The following ELMOD2 variants were observed in gnomAD, a reference collection of about 807,000 sequenced individuals.
The protein encoded by ELMOD2 is ELMO domain containing 2.
A neutral mutation model predicts 41.0 loss-of-function variants in ELMOD2; 28 were observed. The observed-to-expected ratio is 0.68, with a 90% CI of 0.51 to 0.94. ELMOD2 has a LOEUF of 0.94. Ranked by LOEUF, ELMOD2 falls within the 40% of genes least tolerant of loss-of-function variation. The pLI, the probability that ELMOD2 is intolerant of heterozygous loss-of-function variation, is 0.00. For missense variants in ELMOD2, 333 were observed against 343.1 expected (o/e 0.97, Z 0.23); for synonymous variants, 106 against 107.2 (o/e 0.99, Z 0.07).
chr4:140,545,791 A>G (rs576528407), intron 8 of ELMOD2, among the ~76,000 whole-genome samples: 1 of 152,254 alleles, frequency 6.6e-6, no homozygotes, highest in African/African-American at 2.4e-5. Context: ...ATGAGATATC[A>G]TGTCACACCA....
chr4:140,549,218 A>G (rs1735388671), intron 8 of ELMOD2, among the ~76,000 whole-genome samples: 1 of 152,050 alleles, frequency 6.6e-6, no homozygotes, highest in African/African-American at 2.4e-5. Context: ...TTTATTTGTT[A>G]TTTTTTAAAA....
chr4:140,535,147 C>G (rs1321112192), intron 3 of ELMOD2, among the ~76,000 whole-genome samples: 1 of 123,786 alleles, frequency 8.1e-6, no homozygotes, highest in Non-Finnish European at 1.8e-5. Context: ...TTCTCTCTCT[C>G]TCTCTCTCTC....
rs908227476 is a variant in ELMOD2, at chr4:140,553,633, A to G, written c.*3258A>G. 1.3e-5 allele frequency: 2 copies of G among 152,186 alleles called. No homozygotes were observed. The highest frequency in any genetic ancestry group is 2.4e-5 in the African/African-American group (1 of 41,452). The allele number at this position is 152,186 out of a possible 1,614,324, so 9.4% of individuals were successfully genotyped here. On this transcript the variant is annotated 3_prime_UTR_variant, in exon 9 of 9. Coordinates refer to ENST00000323570, the MANE Select transcript of ELMOD2 (RefSeq NM_153702.4). ...AGTAGCTTTCTCTGGGGGAAAAAGT[A>G]CCACTTGGACACTTAAAGGAATTGG... is the stretch of plus-strand genomic sequence containing the variant.
intron 6 of ELMOD2, among the ~76,000 whole-genome samples, chr4:140,540,943 G>A (rs1156593545): frequency 6.6e-6 from 1 of 151,974 alleles, no homozygotes; most frequent in African/African-American, 2.4e-5. Flanking sequence ...AACCAGATAA[G>A]GTGATAATAA....
chr4:140,548,792 C>T (rs140275886), intron 8 of ELMOD2, among the ~76,000 whole-genome samples: 19 of 152,226 alleles, frequency 1.2e-4, no homozygotes, highest in Admixed American at 9.2e-4. Context: ...AAAAATAATT[C>T]AATAAATACA....
chr4:140,548,077 C>A (rs1433947388), intron 8 of ELMOD2, among the ~76,000 whole-genome samples: 2 of 152,108 alleles, frequency 1.3e-5, no homozygotes, highest in African/African-American at 4.8e-5. Flanking sequence ...GATCAATAGC[C>A]TCACTCTGAA....
chr4:140,525,604 A>G (rs776891848), intron 2 of ELMOD2, 34 bp downstream of exon 2: 28 of 1,580,948 alleles, frequency 1.8e-5, no homozygotes, highest in Non-Finnish European at 2.4e-5. Context: ...GTACTAATAA[A>G]AGTTTAACGG....
At chr4:140,531,457 G>A (rs1734744682) in intron 3 of ELMOD2, among the ~76,000 whole-genome samples, 2 of 152,206 alleles carry the variant, frequency 1.3e-5, no homozygotes, top group African/African-American at 2.4e-5. Context: ...TGACAATGGA[G>A]CAAAGCTCCA....
chr4:140,537,951 CAT>C (rs757153665), intron 5 of ELMOD2, among the ~76,000 whole-genome samples: 51 of 152,092 alleles, frequency 3.4e-4, no homozygotes, highest in Middle Eastern at 3.4e-3. Flanking sequence ...AAGTTGAAAA[CAT>C]GTGTGTCCCT....
At position 140,553,154 on chromosome 4, in the gene ELMOD2, A is replaced by C. The variant is rs1214993676; in HGVS notation, c.*2779A>C. The C allele has an allele frequency of 6.6e-6, 1 of 152,152 alleles. No individual in the cohort carries two copies. Among genetic ancestry groups the C allele is most frequent in the East Asian group, 1.9e-4 (1 of 5,202 alleles). The allele number at this position is 152,152 out of a possible 1,614,324, so 9.4% of individuals were successfully genotyped here. A position where few individuals can be genotyped will look rare whatever the true frequency, so the allele number is the denominator to read the frequency against. On this transcript the variant is annotated 3_prime_UTR_variant, in exon 9 of 9. Transcript: ENST00000323570. ...CTCTTTCTCCCCTTTGAGAACATTC[A>C]GTGAAATACAACTTCATCAAAGATT... is the stretch of plus-strand genomic sequence containing the variant.
intron 2 of ELMOD2, 122 bp downstream of exon 2, chr4:140,525,692 G>A (rs1734541685): frequency 9.1e-7 from 1 of 1,094,138 alleles, no homozygotes; most frequent in Non-Finnish European, 1.2e-6. Flanking sequence ...AATTTCATAA[G>A]CTCTGAAGTC....
At chr4:140,536,386 T>C (rs1268381870) in intron 4 of ELMOD2, among the ~76,000 whole-genome samples, 1 of 152,166 alleles carries the variant, frequency 6.6e-6, no homozygotes, top group Non-Finnish European at 1.5e-5. Flanking sequence ...TATGTGAATA[T>C]AGAGGAAGGA....
chr4:140,535,119 C>G (rs992185288), intron 3 of ELMOD2, among the ~76,000 whole-genome samples: 1 of 143,444 alleles, frequency 7.0e-6, no homozygotes, highest in Non-Finnish European at 1.5e-5. Flanking sequence ...TTACTTTTCT[C>G]TGGGGAAATC....
intron 3 of ELMOD2, 118 bp from the exon 4 acceptor site, chr4:140,535,615 A>G (rs1264377742): frequency 1.7e-5 from 14 of 830,152 alleles, no homozygotes; most frequent in Non-Finnish European, 2.7e-5. Context: ...GGTTGAAACA[A>G]ACTGGGTTTA....
At position 140,527,456 on chromosome 4, in the gene ELMOD2, G is replaced by A; in HGVS notation, c.143-10G>A. On this transcript the variant is annotated splice_polypyrimidine_tract_variant and intron_variant, in intron 2 of 8. Transcript: ENST00000323570. ...GTGATAACATCTTTTTTTTTTTTTT[G>A]TCATTTCAGAAAATTCCTTGACATA... The A allele has an allele frequency of 7.7e-7, 1 of 1,295,112 alleles. No individual in the cohort carries two copies. Among genetic ancestry groups the A allele is most frequent in the African/African-American group, 2.0e-5 (1 of 49,224 alleles). 80.2% of individuals were successfully genotyped at this position (1,295,112 alleles called of 1,614,324 possible). A position where few individuals can be genotyped will look rare whatever the true frequency, so the allele number is the denominator to read the frequency against.
Position 140,543,450 on chromosome 4 carries a change from T to G in ELMOD2, c.603-3T>G. 1 of 1,591,758 alleles carries G rather than the reference T, an allele frequency of 6.3e-7. No homozygotes were observed. Among genetic ancestry groups the G allele is most frequent in the South Asian group, 1.2e-5 (1 of 85,696 alleles). ...GGTATAACTGGTAATGTTTCTGACATAGGTATTCTTATGCAATAGTTGGAA... is the reference window on the plus strand; with the variant it reads ...GGTATAACTGGTAATGTTTCTGACAGAGGTATTCTTATGCAATAGTTGGAA... On this transcript the variant is annotated splice_polypyrimidine_tract_variant and splice_region_variant and intron_variant, in intron 7 of 8. Transcript: ENST00000323570.
intron 8 of ELMOD2, among the ~76,000 whole-genome samples, chr4:140,545,817 A>G (rs1397280458): frequency 6.6e-6 from 1 of 152,168 alleles, no homozygotes. Context: ...AATGGCGATC[A>G]TTAAAAAGTC....
rs1266960070 is a variant in ELMOD2 at position 140,552,180 on chromosome 4, T to C, written c.*1805T>C. The C allele has an allele frequency of 1.3e-5, 2 of 152,074 alleles. No homozygotes were observed. The highest frequency in any genetic ancestry group is 2.1e-4 in the South Asian group (1 of 4,828). The allele number at this position is 152,074 out of a possible 1,614,324, so 9.4% of individuals were successfully genotyped here. On this transcript the variant is annotated 3_prime_UTR_variant, in exon 9 of 9. Coordinates refer to ENST00000323570, the MANE Select transcript of ELMOD2 (RefSeq NM_153702.4). ...ATGTTTGTGTTGAAAATGCTTATCT[T>C]TGTGTTTTGATCTTCCAACAGCTGA... is the stretch of plus-strand genomic sequence containing the variant.
intron 3 of ELMOD2, among the ~76,000 whole-genome samples, chr4:140,533,494 C>T (rs1038443075): frequency 6.6e-6 from 1 of 152,116 alleles, no homozygotes; most frequent in African/African-American, 2.4e-5. Flanking sequence ...TCTTACCATA[C>T]ATGAAAACTA....
Sources: gnomAD v4.1 joint callset for allele counts (sites outside exome capture counted in the v4.1 genomes callset) on GRCh38, gnomAD v4.1.1 for gene constraint, MANE v1.5 for transcripts, NCBI Gene and HGNC (gene_info 2026-07-23, HGNC 2026-07-21) for gene names.